ULBP3: variants seen among roughly 807,000 people sequenced by gnomAD.
The protein encoded by ULBP3 is UL16-binding protein 3.
In ULBP3, 25 loss-of-function variants were observed where a neutral mutation model predicts 24.9. That is an observed-to-expected ratio of 1.00 (90% confidence interval 0.73 to 1.40). The LOEUF (loss-of-function observed/expected upper bound fraction) is 1.40, where lower values mean the gene tolerates loss of function less well. Ranked by LOEUF, ULBP3 falls within the 40% of genes most tolerant of loss-of-function variation. ULBP3 has a pLI of 0.00. For synonymous variants in ULBP3, 114 were observed against 114.7 expected (o/e 0.99, Z 0.04); for missense variants, 306 against 307.5 (o/e 1.00, Z 0.04).
intron 1 of ULBP3, 95 bp from the exon 2 acceptor site, chr6:150,066,257 G>A (rs1776346097): frequency 7.3e-7 from 1 of 1,374,510 alleles, no homozygotes; most frequent in Non-Finnish European, 9.8e-7. Context: ...GGGCTGGGCT[G>A]GCAGAGCATG....
chr6:150,062,680 G>C lies in ULBP3; in HGVS notation c.*694C>G, dbSNP rs559139780. Among the ~76,000 whole-genome samples, 92 of 152,368 alleles carry C rather than the reference G, an allele frequency of 6.0e-4. No homozygotes were observed. Among genetic ancestry groups the C allele is most frequent in the Non-Finnish European group, 1.2e-3 (84 of 68,046 alleles). Reference sequence around the variant, plus strand: ...TTTCGAAGAATAAGGTCATGCTTCAGAGAAATGTCTGCTTTTCCACAATCA... The same window carrying C: ...TTTCGAAGAATAAGGTCATGCTTCACAGAAATGTCTGCTTTTCCACAATCA... On this transcript the variant is annotated 3_prime_UTR_variant, in exon 5 of 5. Coordinates refer to ENST00000367339, the MANE Select transcript of ULBP3 (RefSeq NM_024518.3).
intron 2 of ULBP3, 73 bp from the exon 3 acceptor site, chr6:150,065,746 A>C: frequency 1.9e-6 from 3 of 1,590,884 alleles, no homozygotes; most frequent in Non-Finnish European, 1.7e-6. Context: ...TCCTATGCTG[A>C]GACCATTCTC....
intron 1 of ULBP3, among the ~76,000 whole-genome samples, chr6:150,066,976 G>A (rs1395373377): frequency 6.6e-6 from 1 of 152,112 alleles, no homozygotes; most frequent in Non-Finnish European, 1.5e-5. Context: ...TCAACTGTCA[G>A]CAGGAAGGAG....
In ULBP3 at chr6:150,063,361, A is replaced by C. The variant is rs1028553343; in HGVS notation, c.*23-10T>G. ...TGATATCACCTTCCACCTTGAGGAA[A>C]GATGAAGCATTGGTTTAAGTGGCTG... On this transcript the variant is annotated splice_polypyrimidine_tract_variant and intron_variant, in intron 4 of 4. Transcript: ENST00000367339. The C allele has an allele frequency of 5.7e-5, 56 of 978,506 alleles. No homozygotes were observed. The African/African-American group carries it at 8.8e-4, about 15-fold the overall frequency. The allele number at this position is 978,506 out of a possible 1,614,324, so 60.6% of individuals were successfully genotyped here.
In ULBP3 at chr6:150,067,968, G is replaced by A. The variant is rs1475476586; in HGVS notation, c.88+1011C>T. 2.6e-5 allele frequency among the ~76,000 whole-genome samples: 4 copies of A among 152,184 alleles called. No homozygotes were observed. The East Asian group carries it at 7.7e-4, about 29-fold the overall frequency. ...GCTATGGGAGGGCAGTGACCACACA[G>A]CCTCAGAGCTGCCCATCACAGGGTG... On this transcript the variant is annotated intron_variant, in intron 1 of 4. Coordinates refer to ENST00000367339, the MANE Select transcript of ULBP3 (RefSeq NM_024518.3).
chr6:150,069,049 G>A lies in ULBP3; in HGVS notation c.18C>T (p.Ser6=), dbSNP rs905543384. 6.2e-7 allele frequency: 1 copy of A among 1,610,536 alleles called. No homozygotes were observed. Among genetic ancestry groups the A allele is most frequent in the Non-Finnish European group, 8.5e-7 (1 of 1,179,104 alleles). ...TCGCGAGGCGCGGAAGGATCGCGGG[G>A]CTGGCGGCCGCTGCCATTGTAGACC... MAAAA[S]PAILPRLAIL... Residue 6 remains serine, a synonymous_variant, in exon 1 of 5, where the codon AGC becomes AGT. Transcript: ENST00000367339.
At position 150,062,828 on chromosome 6, in the gene ULBP3, C is replaced by T. The variant is rs1211806198; in HGVS notation, c.*546G>A. Among the ~76,000 whole-genome samples, 4 of 151,994 alleles carry T rather than the reference C, an allele frequency of 2.6e-5. No individual in the cohort carries two copies. The highest frequency in any genetic ancestry group is 9.7e-5 in the African/African-American group (4 of 41,394). ...GTGTTAAGAAAAATGGCTGGCCGGG[C>T]GCGGTGGCTCACGCCTGTAATCCCA... is the stretch of plus-strand genomic sequence containing the variant. On this transcript the variant is annotated 3_prime_UTR_variant, in exon 5 of 5. Coordinates refer to ENST00000367339, the MANE Select transcript of ULBP3 (RefSeq NM_024518.3).
At chr6:150,066,233 G>A (rs1582866057) in intron 1 of ULBP3, 71 bp from the exon 2 acceptor site, 1 of 1,521,416 alleles carries the variant, frequency 6.6e-7, no homozygotes, top group Non-Finnish European at 8.9e-7. Flanking sequence ...GTGACAGCAA[G>A]AGGGTTTCCT....
intron 4 of ULBP3, among the ~76,000 whole-genome samples, chr6:150,064,290 A>G (rs1776314057): frequency 6.6e-6 from 1 of 152,196 alleles, no homozygotes; most frequent in African/African-American, 2.4e-5. Flanking sequence ...CCCAGATAGA[A>G]ACCTGCTGTG....
Position 150,061,084 on chromosome 6 carries a change from T to C in ULBP3, c.*2290A>G, listed in dbSNP as rs1776269390. Reference sequence around the variant, plus strand: ...CATTATGCAGTGTTTAATTTTAGGGTTTGGCACTTTCACGTATAACTTTTA... The same window carrying C: ...CATTATGCAGTGTTTAATTTTAGGGCTTGGCACTTTCACGTATAACTTTTA... On this transcript the variant is annotated 3_prime_UTR_variant, in exon 5 of 5. Coordinates refer to ENST00000367339, the MANE Select transcript of ULBP3 (RefSeq NM_024518.3). Among the ~76,000 whole-genome samples the C allele has an allele frequency of 6.6e-6, 1 of 151,382 alleles. No individual in the cohort carries two copies. Among genetic ancestry groups the C allele is most frequent in the African/African-American group, 2.4e-5 (1 of 41,136 alleles).
In ULBP3 at chr6:150,064,613, G is replaced by A. The variant is rs1226220545; in HGVS notation, c.729C>T (p.Gly243=). 6.2e-7 allele frequency: 1 copy of A among 1,614,002 alleles called. No homozygotes were observed. Among genetic ancestry groups the A allele is most frequent in the Non-Finnish European group, 8.5e-7 (1 of 1,179,906 alleles). Residue 243 remains glycine (G), a synonymous_variant, in exon 4 of 5, where the codon GGC becomes GGT. Transcript: ENST00000367339. ...FLIILCFILP[G]I ...TCACTCTAAATGACTCTTCTCAGAT[G>A]CCAGGGAGGATGAAGCAGAGGATGA...
rs749793921 is a variant in ULBP3, at chr6:150,064,591, C to T, written c.*16G>A. 1.8e-5 allele frequency: 29 copies of T among 1,613,442 alleles called. No individual in the cohort carries two copies. Among genetic ancestry groups the T allele is most frequent in the African/African-American group, 6.7e-5 (5 of 74,902 alleles). ...ACAGTTTTGCCCACAGTACCTGTCA[C>T]TCTAAATGACTCTTCTCAGATGCCA... On this transcript the variant is annotated 3_prime_UTR_variant, in exon 4 of 5. Transcript: ENST00000367339.
chr6:150,062,647 C>T lies in ULBP3; in HGVS notation c.*727G>A, dbSNP rs1468147486. Among the ~76,000 whole-genome samples, 1 of 152,198 alleles carries T rather than the reference C, an allele frequency of 6.6e-6. No individual in the cohort carries two copies. The highest frequency in any genetic ancestry group is 1.5e-5 in the Non-Finnish European group (1 of 68,026). On this transcript the variant is annotated 3_prime_UTR_variant, in exon 5 of 5. Transcript: ENST00000367339. ...GAAGTCCTGCATGCTATTTTACTAG[C>T]AATACCGTTTCGAAGAATAAGGTCA...
At position 150,063,259 on chromosome 6, in the gene ULBP3, G is replaced by T. The variant is rs1426943495; in HGVS notation, c.*115C>A. On this transcript the variant is annotated 3_prime_UTR_variant, in exon 5 of 5. Coordinates refer to ENST00000367339, the MANE Select transcript of ULBP3 (RefSeq NM_024518.3). ...CTAAGGCTTGAACTCCTGCTTTCCAGAAAGGCACAGTGGTGAGTAGACAGG... is the reference window on the plus strand; with the variant it reads ...CTAAGGCTTGAACTCCTGCTTTCCATAAAGGCACAGTGGTGAGTAGACAGG... 142 of 771,574 alleles carry T rather than the reference G, an allele frequency of 1.8e-4. No individual in the cohort carries two copies. The highest frequency in any genetic ancestry group is 2.1e-4 in the Non-Finnish European group (136 of 634,714). 47.8% of individuals were successfully genotyped at this position (771,574 alleles called of 1,614,324 possible).
At chr6:150,064,498 AGAGGTGG>A in intron 4 of ULBP3, 80 bp downstream of exon 4, 4 of 1,206,064 alleles carry the variant, frequency 3.3e-6, no homozygotes, top group Non-Finnish European at 4.9e-6. Context: ...GGCCATGGGG[AGAGGTGG>A]GACTCTGGAA....
At chr6:150,065,115 G>A (rs56792817) in intron 3 of ULBP3, among the ~76,000 whole-genome samples, 17,627 of 151,952 alleles carry the variant, frequency 0.12, 1,081 homozygotes, top group Middle Eastern at 0.18. Context: ...ACACAATGAC[G>A]CCCACAGTTT....
chr6:150,064,740 C>T (rs755342145), intron 3 of ULBP3, 27 bp from the exon 4 acceptor site: 1 of 1,611,056 alleles, frequency 6.2e-7, no homozygotes. Context: ...AAAGTGACAA[C>T]TCTTGTCCAC....
chr6:150,062,043 T>A lies in ULBP3; in HGVS notation c.*1331A>T, dbSNP rs1562518902. Among the ~76,000 whole-genome samples the A allele has an allele frequency of 6.6e-6, 1 of 152,250 alleles. No homozygotes were observed. Among genetic ancestry groups the A allele is most frequent in the African/African-American group, 2.4e-5 (1 of 41,464 alleles). The stretch of plus-strand genomic sequence containing the variant: ...ATGTCTTCTTTTGAAAAGTGTCTGT[T>A]CATGTCTTTGCACATTTTTTAATTG... On this transcript the variant is annotated 3_prime_UTR_variant, in exon 5 of 5. Transcript: ENST00000367339.
At chr6:150,065,256 A>C in intron 3 of ULBP3, 142 bp downstream of exon 3, 1 of 1,236,398 alleles carries the variant, frequency 8.1e-7, no homozygotes, top group East Asian at 2.4e-5. Context: ...CACTCACTCA[A>C]ACACACACTC....
Sources: gnomAD v4.1 joint callset for allele counts (sites outside exome capture counted in the v4.1 genomes callset) on GRCh38, gnomAD v4.1.1 for gene constraint, MANE v1.5 for transcripts, NCBI Gene and HGNC (gene_info 2026-07-23, HGNC 2026-07-21) for gene names.